The following PLA2G4B variants were observed in gnomAD, a reference collection of about 807,000 sequenced individuals.
PLA2G4B encodes the protein phospholipase A2 group IVB.
PLA2G4B carries 122 observed loss-of-function variants against 95.8 expected under a neutral mutation model. The ratio of observed to expected loss-of-function variants is 1.27; its 90% CI spans 1.10 to 1.48. The LOEUF (loss-of-function observed/expected upper bound fraction) is 1.48, where lower values mean the gene tolerates loss of function less well. Among genes scored for constraint, PLA2G4B ranks in the 40% most tolerant of loss-of-function variants. The pLI is 0.00. For synonymous variants in PLA2G4B, 518 were observed against 421.5 expected, an observed-to-expected ratio of 1.23 and a Z score of -2.80; for missense variants, 1,158 against 996.2, an observed-to-expected ratio of 1.16 and a Z score of -2.19.
intron 11 of PLA2G4B, among the ~76,000 whole-genome samples, chr15:41,844,152 G>T (rs918022502): frequency 1.3e-5 from 2 of 152,200 alleles, no homozygotes; most frequent in East Asian, 3.8e-4. Flanking sequence ...TCTCCTGGGG[G>T]AGTGATGGCA....
At position 41,838,897 on chromosome 15, in the gene PLA2G4B, C is replaced by T. The variant is rs1462944106; in HGVS notation, c.-17C>T. ...TGGCCACTGCCCCATCATTCCTGCTCCTGAGGACTCAGTCTCATGGCTGTG... is the reference window on the plus strand; with the variant it reads ...TGGCCACTGCCCCATCATTCCTGCTTCTGAGGACTCAGTCTCATGGCTGTG... On this transcript the variant is annotated 5_prime_UTR_variant, in exon 1 of 20. Coordinates refer to ENST00000458483, the MANE Select transcript of PLA2G4B (RefSeq NM_001114633.2). 4 of 1,594,322 alleles carry T rather than the reference C, an allele frequency of 2.5e-6. No homozygotes were observed. The highest frequency in any genetic ancestry group is 1.3e-5 in the African/African-American group (1 of 74,578).
chr15:41,843,931 C>G, intron 11 of PLA2G4B, 120 bp downstream of exon 11: 2 of 1,451,028 alleles, frequency 1.4e-6, no homozygotes, highest in Non-Finnish European at 1.8e-6. Flanking sequence ...TGTCCCCACC[C>G]TGCTTCCTCT....
chr15:41,844,925 A>G lies in PLA2G4B; in HGVS notation c.1094A>G (p.Gln365Arg). 2 of 1,612,564 alleles carry G rather than the reference A, an allele frequency of 1.2e-6. No individual in the cohort carries two copies. Among genetic ancestry groups the G allele is most frequent in the African/African-American group, 1.3e-5 (1 of 75,058 alleles). The change falls in exon 13 of 20, where the codon CAG (glutamine) becomes CGG (arginine). Residue 365 changes from glutamine (Q) to arginine (R), a missense_variant. Physicochemically the swap from Gln to Arg is conservative, Grantham distance 43. Coordinates refer to ENST00000458483, the MANE Select transcript of PLA2G4B (RefSeq NM_001114633.2). ...LAGPTELLKT[Q>R]VTKNKLGVLA... ...GGGCCCACTGAGTTGCTGAAGACCC[A>G]GGTGACCAAGAACAAGCTGGGTGTG...
rs1410034493 is a variant in PLA2G4B at position 41,840,901 on chromosome 15, C to T, written c.347C>T (p.Pro116Leu). 3 of 1,612,608 alleles carry T rather than the reference C, an allele frequency of 1.9e-6. No homozygotes were observed. Among genetic ancestry groups the T allele is most frequent in the African/African-American group, 1.3e-5 (1 of 74,906 alleles). The change falls in exon 4 of 20, where the codon CCT becomes CTT. Residue 116 changes from proline to leucine, a missense_variant. Transcript: ENST00000458483. ...CGGCGCGAGAGCTTCTCACTGAGCC[C>T]TCAGGCAAGGCGGTGTTTCCACGGC... is the stretch of plus-strand genomic sequence containing the variant. Reference protein sequence around the residue: ...EFRRESFSLSPQGEGRLEVEF... With the variant: ...EFRRESFSLSLQGEGRLEVEF...
Position 41,846,334 on chromosome 15 carries a change from C to T in PLA2G4B, c.1732C>T (p.His578Tyr), listed in dbSNP as rs370002490. Residue 578 changes from histidine to tyrosine, a missense_variant, in exon 17 of 20, where the codon CAT becomes TAT. Transcript: ENST00000458483. The stretch of plus-strand genomic sequence containing the variant: ...CACACATAATTTCCTGCGTGGCCTC[C>T]ATTTCCACAAAGACTACTTTCAGCA... ...QATHNFLRGLHFHKDYFQHPH... is the reference protein window; with the variant it reads ...QATHNFLRGLYFHKDYFQHPH... 1.9e-5 allele frequency: 31 copies of T among 1,610,886 alleles called. No homozygotes were observed. The highest frequency in any genetic ancestry group is 2.7e-5 in the African/African-American group (2 of 74,918).
In PLA2G4B at chr15:41,847,656, G is replaced by T; in HGVS notation, c.2142G>T (p.Arg714=). The T allele has an allele frequency of 6.2e-7, 1 of 1,613,596 alleles. No individual in the cohort carries two copies. Among genetic ancestry groups the T allele is most frequent in the Non-Finnish European group, 8.5e-7 (1 of 1,180,040 alleles). ...SFREYSAPGV[R]RTPEEAAAGE... ...GCTGCACTCTCTCCACAGGGGTCCG[G>T]CGGACACCCGAGGAGGCGGCAGCTG... is the stretch of plus-strand genomic sequence containing the variant. The change falls in exon 20 of 20, where the codon CGG becomes CGT. Residue 714 remains arginine, a synonymous_variant. Transcript: ENST00000458483.
At chr15:41,840,078 C>A in intron 1 of PLA2G4B, 80 bp from the exon 2 acceptor site, 1 of 1,519,530 alleles carries the variant, frequency 6.6e-7, no homozygotes. Flanking sequence ...CCTTGAGGCA[C>A]TGCTCCAGCC....
In PLA2G4B at chr15:41,845,416, C is replaced by G. The variant is rs568648208; in HGVS notation, c.1357+96C>G. The G allele has an allele frequency of 1.0e-5, 15 of 1,504,646 alleles. No homozygotes were observed. In the African/African-American group the frequency reaches 2.1e-4, roughly 21 times the overall value. 93.2% of individuals were successfully genotyped at this position (1,504,646 alleles called of 1,614,324 possible). A position where few individuals can be genotyped will look rare whatever the true frequency, so the allele number is the denominator to read the frequency against. On this transcript the variant is annotated intron_variant, in intron 14 of 19. Coordinates refer to ENST00000458483, the MANE Select transcript of PLA2G4B (RefSeq NM_001114633.2). ...CAGATTGCAGATGTCACACCCACCTCTCCTGAGCCAGGTCCCGTGCTTTCT... is the reference window on the plus strand; with the variant it reads ...CAGATTGCAGATGTCACACCCACCTGTCCTGAGCCAGGTCCCGTGCTTTCT...
chr15:41,838,887 C>A lies in PLA2G4B; in HGVS notation c.-27C>A. 1.3e-6 allele frequency: 2 copies of A among 1,591,328 alleles called. No homozygotes were observed. The highest frequency in any genetic ancestry group is 1.1e-5 in the South Asian group (1 of 87,352). ...CTTGATCCTGTGGCCACTGCCCCAT[C>A]ATTCCTGCTCCTGAGGACTCAGTCT... On this transcript the variant is annotated 5_prime_UTR_variant, in exon 1 of 20. Coordinates refer to ENST00000458483, the MANE Select transcript of PLA2G4B (RefSeq NM_001114633.2).
rs1312209347 is a variant in PLA2G4B at position 41,841,802 on chromosome 15, CT to C, written c.491-16del. On this transcript the variant is annotated splice_polypyrimidine_tract_variant and intron_variant, in intron 7 of 19. Transcript: ENST00000458483. Reference sequence around the variant, plus strand: ...AGATACCGTCCCCAGCCTCTCTGCTCTGGTTCCTGTTTCCAGCCTCAGAGCA... The same window carrying C: ...AGATACCGTCCCCAGCCTCTCTGCTCGGTTCCTGTTTCCAGCCTCAGAGCA... The C allele has an allele frequency of 1.2e-6, 2 of 1,612,574 alleles. No homozygotes were observed. Among genetic ancestry groups the C allele is most frequent in the Admixed American group, 3.3e-5 (2 of 59,932 alleles).
At chr15:41,842,705 T>G in intron 10 of PLA2G4B, 114 bp downstream of exon 10, 1 of 1,496,222 alleles carries the variant, frequency 6.7e-7, no homozygotes, top group African/African-American at 1.4e-5. Context: ...CCTCATGCTC[T>G]CTGAAGGGGC....
chr15:41,845,100 C>G (rs2140895533), intron 13 of PLA2G4B, 30 bp downstream of exon 13: 1 of 1,598,108 alleles, frequency 6.3e-7, no homozygotes, highest in Admixed American at 1.7e-5. Context: ...GGGGCAGAGC[C>G]AGGGCAAGGG....
Position 41,845,563 on chromosome 15 carries a change from A to G in PLA2G4B, c.1358-75A>G, listed in dbSNP as rs2065523568. ...CCTGGTCCTCAGCTGCCCTAAAGCA[A>G]AACCCTGGGTCGGGGTGGGGGTGTG... On this transcript the variant is annotated intron_variant, in intron 14 of 19. Transcript: ENST00000458483. 4.4e-6 allele frequency: 7 copies of G among 1,582,226 alleles called. No individual in the cohort carries two copies. In the South Asian group the frequency reaches 8.1e-5, roughly 18 times the overall value.
At position 41,841,091 on chromosome 15, in the gene PLA2G4B, A is replaced by T. The variant is rs770530255; in HGVS notation, c.388A>T (p.Ser130Cys). The change falls in exon 5 of 20, where the codon AGT (serine) becomes TGT (cysteine). Residue 130 changes from serine (S) to cysteine (C), a missense_variant. Transcript: ENST00000458483. ...GRLEVEFRLQ[S>C]LADRGEWLVS... is the part of the protein sequence containing the mutation. The stretch of plus-strand genomic sequence containing the variant: ...CCTGGAAGTTGAATTTCGCCTGCAG[A>T]GTCTGTGAGTCAGGGGCCTGGGGCA... 33 of 1,594,046 alleles carry T rather than the reference A, an allele frequency of 2.1e-5. No individual in the cohort carries two copies. Among genetic ancestry groups the T allele is most frequent in the Non-Finnish European group, 2.8e-5 (33 of 1,166,818 alleles).
chr15:41,847,405 CGAAG>C lies in PLA2G4B; in HGVS notation c.2017_2020del (p.Glu673SerfsTer52). On this transcript the variant is annotated frameshift_variant, in exon 19 of 20. Coordinates refer to ENST00000458483, the MANE Select transcript of PLA2G4B (RefSeq NM_001114633.2). LOFTEE classifies it high-confidence loss of function. ...CGTTCCCACCCATCTCGCCCAGCCC[CGAAG>C]AGCAGCTCCAGCCTCGGGAGTGCCA... The C allele has an allele frequency of 6.2e-7, 1 of 1,613,068 alleles. No individual in the cohort carries two copies. Among genetic ancestry groups the C allele is most frequent in the Middle Eastern group, 1.6e-4 (1 of 6,062 alleles).
Position 41,846,283 on chromosome 15 carries a change from C to T in PLA2G4B, c.1681C>T (p.Leu561=). ...GRIAEFFTDL[L]TWRPLAQATH... Reference sequence around the variant, plus strand: ...GATAGCTGAGTTTTTCACCGATCTTCTGACGTGGCGTCCACTGGCCCAGGC... The same window carrying T: ...GATAGCTGAGTTTTTCACCGATCTTTTGACGTGGCGTCCACTGGCCCAGGC... The change falls in exon 17 of 20, where the codon CTG becomes TTG. Residue 561 remains leucine (L), a synonymous_variant. Coordinates refer to ENST00000458483, the MANE Select transcript of PLA2G4B (RefSeq NM_001114633.2). 2 of 1,614,132 alleles carry T rather than the reference C, an allele frequency of 1.2e-6. No homozygotes were observed. Among genetic ancestry groups the T allele is most frequent in the Middle Eastern group, 1.6e-4 (1 of 6,062 alleles).
At chr15:41,844,058 A>G (rs541499006) in intron 11 of PLA2G4B, among the ~76,000 whole-genome samples, 144 of 152,304 alleles carry the variant, frequency 9.5e-4, no homozygotes, top group Non-Finnish European at 1.4e-3. Context: ...TTCTCAGCCT[A>G]GCCTGTCTGA....
At position 41,846,669 on chromosome 15, in the gene PLA2G4B, C is replaced by A; in HGVS notation, c.1781C>A (p.Ala594Asp). Residue 594 changes from alanine (A) to aspartate (D), a missense_variant and splice_region_variant, in exon 18 of 20, where the codon GCT becomes GAT. Coordinates refer to ENST00000458483, the MANE Select transcript of PLA2G4B (RefSeq NM_001114633.2). ...FQHPHFSTWK[A>D]TTLDGLPNQL... is the part of the protein sequence containing the mutation. ...ATTGCTGCTCTCCCCAACCTTCCAG[C>A]TACCACTCTGGATGGGCTCCCCAAC... 6.2e-7 allele frequency: 1 copy of A among 1,604,890 alleles called. No homozygotes were observed. The highest frequency in any genetic ancestry group is 8.5e-7 in the Non-Finnish European group (1 of 1,173,884).
At position 41,847,635 on chromosome 15, in the gene PLA2G4B, C is replaced by T. The variant is rs375099236; in HGVS notation, c.2135-14C>T. On this transcript the variant is annotated splice_polypyrimidine_tract_variant and intron_variant, in intron 19 of 19. Coordinates refer to ENST00000458483, the MANE Select transcript of PLA2G4B (RefSeq NM_001114633.2). ...ACAACGTGTTCCCCATGCCAGGCTG[C>T]ACTCTCTCCACAGGGGTCCGGCGGA... The T allele has an allele frequency of 6.3e-5, 101 of 1,613,460 alleles. No individual in the cohort carries two copies. Among genetic ancestry groups the T allele is most frequent in the Admixed American group, 8.3e-5 (5 of 60,010 alleles).
Sources: allele counts gnomAD v4.1 joint callset (sites outside exome capture counted in the v4.1 genomes callset), GRCh38; gene constraint gnomAD v4.1.1; transcripts MANE v1.5; gene names NCBI Gene and HGNC (gene_info 2026-07-23, HGNC 2026-07-21).